UBL3: variants seen among roughly 807,000 people sequenced by gnomAD.
UBL3 encodes the protein ubiquitin like 3.
UBL3 carries 6 observed loss-of-function variants against 18.4 expected under a neutral mutation model. The ratio of observed to expected loss-of-function variants is 0.33; its 90% CI spans 0.18 to 0.64. The LOEUF (loss-of-function observed/expected upper bound fraction) is 0.64, where lower values mean the gene tolerates loss of function less well. Among genes scored for constraint, UBL3 ranks in the 30% least tolerant of loss-of-function variants. UBL3 has a pLI of 0.76. For missense variants in UBL3, 109 were observed against 142.9 expected (o/e 0.76, Z 1.21); for synonymous variants, 49 against 46.6 (o/e 1.05, Z -0.21).
chr13:29,831,593 GAA>G (rs375371538), intron 1 of UBL3, among the ~76,000 whole-genome samples: 12 of 61,418 alleles, frequency 2.0e-4, no homozygotes, highest in African/African-American at 3.4e-4. Flanking sequence ...CGTCTCAAAA[GAA>G]AAAAAAAAAA....
At chr13:29,822,312 TATTTACAAACCTA>T (rs1878479086) in intron 1 of UBL3, among the ~76,000 whole-genome samples, 1 of 152,234 alleles carries the variant, frequency 6.6e-6, no homozygotes, top group Non-Finnish European at 1.5e-5. Context: ...ACCATATATG[TATTTACAAACCTA>T]GCAATAGGAT....
chr13:29,819,335 T>A (rs1430530987), intron 1 of UBL3, among the ~76,000 whole-genome samples: 1 of 152,160 alleles, frequency 6.6e-6, no homozygotes, highest in Non-Finnish European at 1.5e-5. Context: ...CCAAGTAAGG[T>A]GATTTTGTTG....
intron 1 of UBL3, among the ~76,000 whole-genome samples, chr13:29,781,896 G>A (rs1877186126): frequency 6.7e-6 from 1 of 149,110 alleles, no homozygotes; most frequent in South Asian, 2.1e-4. Flanking sequence ...TACTCTGGAG[G>A]CTGAGGCAGG....
rs1165506077 is a variant in UBL3, at chr13:29,766,850, G to C, written c.*405C>G. 6.3e-6 allele frequency: 1 copy of C among 158,466 alleles called. No individual in the cohort carries two copies. Among genetic ancestry groups the C allele is most frequent in the Non-Finnish European group, 1.4e-5 (1 of 72,428 alleles). 9.8% of individuals were successfully genotyped at this position (158,466 alleles called of 1,614,324 possible). A position where few individuals can be genotyped will look rare whatever the true frequency, so the allele number is the denominator to read the frequency against. ...TAAGTATTTCTAGATACCACACACT[G>C]TTATAAATTCTGCTGATGAGGAAAA... On this transcript the variant is annotated 3_prime_UTR_variant, in exon 5 of 5. Coordinates refer to ENST00000380680, the MANE Select transcript of UBL3 (RefSeq NM_007106.4).
chr13:29,839,932 AAAAAAAAAAAAAAAGAAGATTTT>A (rs1879055983), intron 1 of UBL3, among the ~76,000 whole-genome samples: 1 of 124,784 alleles, frequency 8.0e-6, no homozygotes, highest in South Asian at 2.8e-4. Flanking sequence ...GTCTCGGGGG[AAAAAAAAAAAAAAAGAAGATTTT>A]AAAAAATAAA....
intron 1 of UBL3, among the ~76,000 whole-genome samples, chr13:29,811,366 TA>T (rs1299673750): frequency 6.6e-6 from 1 of 152,104 alleles, no homozygotes; most frequent in Non-Finnish European, 1.5e-5. Context: ...CATTCCTTCC[TA>T]AGAGTATTTT....
At chr13:29,837,781 T>G (rs1878994841) in intron 1 of UBL3, among the ~76,000 whole-genome samples, 1 of 151,700 alleles carries the variant, frequency 6.6e-6, no homozygotes, top group South Asian at 2.1e-4. Context: ...AATACAAAAA[T>G]TAGCCGGGCG....
intron 1 of UBL3, among the ~76,000 whole-genome samples, chr13:29,780,390 A>ATGTG (rs1555232308): frequency 0.09 from 8,226 of 91,564 alleles, 562 homozygotes; most frequent in Middle Eastern, 0.12. Context: ...ATATATATAT[A>ATGTG]TGTGTGTGTG....
intron 1 of UBL3, among the ~76,000 whole-genome samples, chr13:29,836,870 A>G: frequency 6.6e-6 from 1 of 152,274 alleles, no homozygotes; most frequent in Non-Finnish European, 1.5e-5. Context: ...AAGATGTTGA[A>G]AAGAGGTTTT....
At chr13:29,767,390 TA>T in intron 4 of UBL3, 83 bp from the exon 5 acceptor site, 3 of 1,510,526 alleles carry the variant, frequency 2.0e-6, no homozygotes, top group Non-Finnish European at 2.7e-6. Flanking sequence ...GTGTAGGAAG[TA>T]GTAGTTTTGA....
At chr13:29,783,687 G>A (rs944855186) in intron 1 of UBL3, among the ~76,000 whole-genome samples, 1 of 152,034 alleles carries the variant, frequency 6.6e-6, no homozygotes, top group Non-Finnish European at 1.5e-5. Flanking sequence ...AAAATATTAA[G>A]TACTTATTAC....
intron 1 of UBL3, among the ~76,000 whole-genome samples, chr13:29,793,448 AAAGAC>A (rs1157126958): frequency 5.9e-5 from 9 of 152,216 alleles, no homozygotes; most frequent in African/African-American, 1.9e-4. Context: ...TAAGGTTATA[AAAGAC>A]AAGATAGAAT....
Position 29,849,962 on chromosome 13 carries a change from G to A in UBL3, c.-424C>T, listed in dbSNP as rs1879327893. 3.6e-6 allele frequency: 1 copy of A among 280,616 alleles called. No individual in the cohort carries two copies. Among genetic ancestry groups the A allele is most frequent in the Non-Finnish European group, 7.0e-6 (1 of 143,408 alleles). The allele number at this position is 280,616 out of a possible 1,614,324, so 17.4% of individuals were successfully genotyped here. ...CCCGAGTCAAGTCCTCATTAAGCAG[G>A]AGAAAAATGCCCCAGCGTGGATGTA... On this transcript the variant is annotated 5_prime_UTR_variant, in exon 1 of 5. Transcript: ENST00000380680.
At chr13:29,808,890 A>G (rs1170193535) in intron 1 of UBL3, among the ~76,000 whole-genome samples, 3 of 152,182 alleles carry the variant, frequency 2.0e-5, no homozygotes, top group African/African-American at 7.2e-5. Flanking sequence ...ATAAAAGTGC[A>G]AGTTGGAAGA....
chr13:29,825,258 T>C (rs1434779432), intron 1 of UBL3, among the ~76,000 whole-genome samples: 8 of 152,230 alleles, frequency 5.3e-5, no homozygotes, highest in Non-Finnish European at 1.0e-4. Flanking sequence ...GGTAGCTTGA[T>C]GGGGATGGCA....
At chr13:29,849,189 C>T (rs1593681554) in intron 1 of UBL3, among the ~76,000 whole-genome samples, 1 of 152,310 alleles carries the variant, frequency 6.6e-6, no homozygotes, top group East Asian at 1.9e-4. Context: ...CTGTCCCTGA[C>T]GTTTTCAGAA....
intron 1 of UBL3, among the ~76,000 whole-genome samples, chr13:29,844,689 A>C (rs1442384830): frequency 6.6e-6 from 1 of 152,034 alleles, no homozygotes; most frequent in African/African-American, 2.4e-5. Context: ...GTCACTCTTC[A>C]TTTTTCCCTC....
At chr13:29,788,909 GTGTGTT>G (rs1308653884) in intron 1 of UBL3, among the ~76,000 whole-genome samples, 27 of 145,430 alleles carry the variant, frequency 1.9e-4, no homozygotes, top group South Asian at 8.7e-4. Context: ...GCGTGTGTGT[GTGTGTT>G]TGAGACGGAG....
chr13:29,776,901 A>T (rs9550493), intron 2 of UBL3, among the ~76,000 whole-genome samples: 105,033 of 124,444 alleles, frequency 0.84, 44,304 homozygotes, highest in Non-Finnish European at 0.87. Flanking sequence ...AAAAAAAAAA[A>T]TTTTTTTCAC....
Sources: gnomAD v4.1 joint callset for allele counts (sites outside exome capture counted in the v4.1 genomes callset) on GRCh38, gnomAD v4.1.1 for gene constraint, MANE v1.5 for transcripts, NCBI Gene and HGNC (gene_info 2026-07-23, HGNC 2026-07-21) for gene names.